COA1: variants seen among roughly 807,000 people sequenced by gnomAD.
COA1 encodes cytochrome c oxidase assembly factor 1 homolog.
Under a neutral mutation model 16.0 loss-of-function variants are expected in COA1, and 13 were observed. That is an observed-to-expected ratio of 0.81 (90% CI 0.53 to 1.29). The LOEUF (loss-of-function observed/expected upper bound fraction) is 1.29, where lower values mean the gene tolerates loss of function less well. Among genes scored for constraint, COA1 ranks in the 50% most tolerant of loss-of-function variants. The pLI is 0.00. For missense variants in COA1, 179 were observed against 177.0 expected (o/e 1.01, Z -0.06); for synonymous variants, 65 against 65.7 (o/e 0.99, Z 0.05).
rs190763226 is a variant in COA1 at position 43,653,153 on chromosome 7, A to G, written c.-38-4501T>C. Among the ~76,000 whole-genome samples, 18 of 152,282 alleles carry G rather than the reference A, an allele frequency of 1.2e-4. No homozygotes were observed. In the East Asian group the frequency reaches 3.1e-3, roughly 26 times the overall value. The stretch of plus-strand genomic sequence containing the variant: ...TGGTGAAACCCCGTCTCTACTAAAA[A>G]TACAAAAAATTAGCCAGGCATAGTG... On this transcript the variant is annotated intron_variant, in intron 1 of 5. Coordinates refer to ENST00000223336, the MANE Select transcript of COA1 (RefSeq NM_018224.4).
At chr7:43,688,432 A>C (rs7811887) in intron 1 of COA1, among the ~76,000 whole-genome samples, 2,155 of 152,322 alleles carry the variant, frequency 0.014, 68 homozygotes, top group African/African-American at 0.05. Context: ...ATGTACCCTC[A>C]GAAGCCCCTG....
At chr7:43,722,762 A>T (rs1369875377) in intron 1 of COA1, among the ~76,000 whole-genome samples, 1 of 152,226 alleles carries the variant, frequency 6.6e-6, no homozygotes, top group Non-Finnish European at 1.5e-5. Context: ...ATAAACAGGG[A>T]AAGTTGGGTG....
At chr7:43,709,027 CTTT>C (rs538423823) in intron 1 of COA1, among the ~76,000 whole-genome samples, 1 of 143,324 alleles carries the variant, frequency 7.0e-6, no homozygotes, top group Admixed American at 7.0e-5. Flanking sequence ...CTCCTATAAT[CTTT>C]TTTTTTTTTT....
chr7:43,716,447 A>T (rs2095396446), intron 1 of COA1, among the ~76,000 whole-genome samples: 1 of 152,056 alleles, frequency 6.6e-6, no homozygotes, highest in African/African-American at 2.4e-5. Flanking sequence ...CACCCTAGAG[A>T]TTTGTGGAAC....
At chr7:43,674,421 G>A (rs539045342) in intron 1 of COA1, among the ~76,000 whole-genome samples, 2 of 152,146 alleles carry the variant, frequency 1.3e-5, no homozygotes, top group African/African-American at 2.4e-5. Context: ...ATAATACAAC[G>A]TTTGGCAAGT....
chr7:43,698,582 A>T (rs534702207), intron 1 of COA1, among the ~76,000 whole-genome samples: 1 of 152,330 alleles, frequency 6.6e-6, no homozygotes, highest in East Asian at 1.9e-4. Context: ...ACATAACCAT[A>T]GTAAAGGTTT....
chr7:43,623,880 G>A (rs1002872995), intron 6 of COA1: 6 of 1,536,482 alleles, frequency 3.9e-6, no homozygotes, highest in Non-Finnish European at 5.2e-6. Flanking sequence ...TTTTAGTTAA[G>A]AAACCTGAGT....
intron 6 of COA1, among the ~76,000 whole-genome samples, chr7:43,610,953 C>T (rs1046648493): frequency 4.0e-5 from 6 of 151,866 alleles, no homozygotes; most frequent in Non-Finnish European, 4.4e-5. Context: ...CCTATCTCTA[C>T]GAAAAATACA....
chr7:43,653,288 G>T (rs997688765), intron 1 of COA1, among the ~76,000 whole-genome samples: 6 of 151,912 alleles, frequency 3.9e-5, no homozygotes, highest in African/African-American at 1.5e-4. Flanking sequence ...CTCCAGCCTG[G>T]GCGACAAAGC....
Position 43,665,352 on chromosome 7 carries a change from C to A in COA1, c.-38-16700G>T, listed in dbSNP as rs999188952. The stretch of plus-strand genomic sequence containing the variant: ...AAAATTAAGAAAATCAACTATTAAT[C>A]CAAGGATCTGCAGTTGTGAGGAAAA... On this transcript the variant is annotated intron_variant, in intron 1 of 5. Coordinates refer to ENST00000223336, the MANE Select transcript of COA1 (RefSeq NM_018224.4). 2.0e-5 allele frequency among the ~76,000 whole-genome samples: 3 copies of A among 152,256 alleles called. 1 individual carries two copies. In the South Asian group the frequency reaches 6.2e-4, roughly 32 times the overall value.
intron 1 of COA1, among the ~76,000 whole-genome samples, chr7:43,686,070 T>A (rs1343665091): frequency 6.6e-6 from 1 of 152,214 alleles, no homozygotes; most frequent in Non-Finnish European, 1.5e-5. Context: ...GGCTAAATAT[T>A]ACTTATTTGG....
chr7:43,671,461 C>A (rs939043634), intron 1 of COA1, among the ~76,000 whole-genome samples: 1 of 151,766 alleles, frequency 6.6e-6, no homozygotes, highest in Non-Finnish European at 1.5e-5. Context: ...AACAAAGAAT[C>A]CCATTTATAA....
At chr7:43,699,209 T>G (rs1219057457) in intron 1 of COA1, among the ~76,000 whole-genome samples, 2 of 151,986 alleles carry the variant, frequency 1.3e-5, no homozygotes, top group Admixed American at 1.3e-4. Context: ...TTTTCTGGAT[T>G]AAATCCAGAA....
chr7:43,634,814 T>C (rs2085593788), downstream of COA1, among the ~76,000 whole-genome samples: 1 of 152,222 alleles, frequency 6.6e-6, no homozygotes, highest in African/African-American at 2.4e-5. Context: ...ACACCAGGCT[T>C]TGCTTAGCCG....
At chr7:43,709,164 C>T (rs1466566715) in intron 1 of COA1, among the ~76,000 whole-genome samples, 3 of 151,960 alleles carry the variant, frequency 2.0e-5, no homozygotes, top group African/African-American at 7.3e-5. Flanking sequence ...GCTGGGACTA[C>T]AGGCGCCTGC....
At chr7:43,650,872 CAA>C in intron 1 of COA1, among the ~76,000 whole-genome samples, 1 of 150,406 alleles carries the variant, frequency 6.6e-6, no homozygotes, top group East Asian at 1.9e-4. Flanking sequence ...AGTGAGGACT[CAA>C]GAGTGCTCAG....
chr7:43,684,633 A>G (rs937448199), intron 1 of COA1, among the ~76,000 whole-genome samples: 1 of 152,208 alleles, frequency 6.6e-6, no homozygotes, highest in African/African-American at 2.4e-5. Context: ...TGAAGGCTAT[A>G]AAGAGCAAGG....
intron 1 of COA1, among the ~76,000 whole-genome samples, chr7:43,718,478 C>T (rs539389222): frequency 3.9e-5 from 6 of 152,276 alleles, no homozygotes; most frequent in African/African-American, 7.2e-5. Flanking sequence ...ATTCTGTTTT[C>T]CCAATTTGGA....
chr7:43,643,332 G>A (rs2087704607), intron 4 of COA1, among the ~76,000 whole-genome samples: 1 of 152,206 alleles, frequency 6.6e-6, no homozygotes, highest in Admixed American at 6.5e-5. Context: ...TGCTACAGCT[G>A]GGCTCTGTGC....
Sources: allele counts gnomAD v4.1 joint callset (sites outside exome capture counted in the v4.1 genomes callset), GRCh38; gene constraint gnomAD v4.1.1; transcripts MANE v1.5; gene names NCBI Gene and HGNC (gene_info 2026-07-23, HGNC 2026-07-21).